The following ANKS1B variants were observed in gnomAD, a reference collection of about 807,000 sequenced individuals.
The protein encoded by ANKS1B is ankyrin repeat and sterile alpha motif domain-containing protein 1B.
ANKS1B carries 36 observed loss-of-function variants against 148.3 expected under a neutral mutation model. The ratio of observed to expected loss-of-function variants is 0.24; its 90% CI spans 0.19 to 0.32. The LOEUF is 0.32. Ranked by LOEUF, ANKS1B falls within the 10% of genes least tolerant of loss-of-function variation. The pLI is 1.00. For missense variants in ANKS1B, 1,157 were observed against 1,542.6 expected (o/e 0.75, Z 4.19); for synonymous variants, 542 against 560.8 (o/e 0.97, Z 0.47).
chr12:99,256,587 A>T (rs1457009285), intron 12 of ANKS1B, among the ~76,000 whole-genome samples: 1 of 152,164 alleles, frequency 6.6e-6, no homozygotes, highest in Non-Finnish European at 1.5e-5. Context: ...TCTAGTTTTC[A>T]ACTGTGAATA....
At chr12:99,483,697 T>C (rs115087591) in intron 10 of ANKS1B, among the ~76,000 whole-genome samples, 2,163 of 151,990 alleles carry the variant, frequency 0.014, 40 homozygotes, top group African/African-American at 0.049. Context: ...GGTGTCTTTA[T>C]GGTTTCTATT....
At chr12:98,793,396 C>T (rs767239001) in intron 22 of ANKS1B, among the ~76,000 whole-genome samples, 5 of 152,062 alleles carry the variant, frequency 3.3e-5, no homozygotes, top group African/African-American at 4.8e-5. Context: ...TAGAAGAAAA[C>T]GCTGGAGAAA....
intron 9 of ANKS1B, among the ~76,000 whole-genome samples, chr12:99,615,304 C>A (rs2097945659): frequency 6.6e-6 from 1 of 152,088 alleles, no homozygotes; most frequent in South Asian, 2.1e-4. Flanking sequence ...TCTTATATTT[C>A]TCCTCATTTT....
chr12:99,873,691 T>G (rs2091781613), intron 1 of ANKS1B, among the ~76,000 whole-genome samples: 1 of 152,212 alleles, frequency 6.6e-6, no homozygotes, highest in Non-Finnish European at 1.5e-5. Flanking sequence ...ATGTGTCAAC[T>G]GGGCTAGGCC....
intron 9 of ANKS1B, among the ~76,000 whole-genome samples, chr12:99,563,007 G>C (rs1447817700): frequency 2.0e-5 from 3 of 152,148 alleles, no homozygotes; most frequent in Non-Finnish European, 2.9e-5. Flanking sequence ...CAACCTGCTA[G>C]TTTCAAACTT....
intron 9 of ANKS1B, among the ~76,000 whole-genome samples, chr12:99,571,955 A>T (rs372701295): frequency 4.6e-5 from 7 of 152,266 alleles, no homozygotes; most frequent in African/African-American, 1.7e-4. Flanking sequence ...TAAAATCCAA[A>T]TATGTATAAA....
At chr12:99,738,409 T>C (rs2059804372) in intron 8 of ANKS1B, among the ~76,000 whole-genome samples, 2 of 152,152 alleles carry the variant, frequency 1.3e-5, no homozygotes, top group Non-Finnish European at 2.9e-5. Flanking sequence ...ATTTGTTGGG[T>C]CACTAAGCCA....
chr12:99,317,023 G>T (rs1434983344), intron 12 of ANKS1B, among the ~76,000 whole-genome samples: 1 of 151,852 alleles, frequency 6.6e-6, no homozygotes, highest in African/African-American at 2.4e-5. Flanking sequence ...TGTTCCATTG[G>T]TCTGTGTGTG....
chr12:99,962,917 C>T (rs973038093), intron 1 of ANKS1B, among the ~76,000 whole-genome samples: 11 of 151,990 alleles, frequency 7.2e-5, no homozygotes, highest in African/African-American at 2.7e-4. Context: ...GGGCTCACGC[C>T]ATTCTCCTGC....
chr12:98,761,118 A>G (rs2098396360), intron 25 of ANKS1B, among the ~76,000 whole-genome samples: 1 of 152,238 alleles, frequency 6.6e-6, no homozygotes, highest in South Asian at 2.1e-4. Flanking sequence ...AAGTTCATAC[A>G]GCAGAGCCAG....
intron 15 of ANKS1B, among the ~76,000 whole-genome samples, chr12:99,135,169 T>C (rs962012593): frequency 1.3e-5 from 2 of 152,152 alleles, no homozygotes; most frequent in Non-Finnish European, 2.9e-5. Context: ...GAAAATATTA[T>C]TGCCAAAATT....
intron 15 of ANKS1B, among the ~76,000 whole-genome samples, chr12:99,087,911 C>A (rs938852494): frequency 7.6e-6 from 1 of 132,164 alleles, no homozygotes; most frequent in Non-Finnish European, 1.6e-5. Flanking sequence ...CTCTACACCT[C>A]CAATATGCTA....
At chr12:99,079,372 C>T (rs2153610933) in intron 16 of ANKS1B, among the ~76,000 whole-genome samples, 1 of 152,130 alleles carries the variant, frequency 6.6e-6, no homozygotes, top group Admixed American at 6.5e-5. Context: ...TTCAGAGGTT[C>T]TCAGTGCCAT....
At chr12:99,283,279 C>T (rs2078711004) in intron 12 of ANKS1B, among the ~76,000 whole-genome samples, 1 of 152,136 alleles carries the variant, frequency 6.6e-6, no homozygotes, top group African/African-American at 2.4e-5. Flanking sequence ...TGCCAGATTT[C>T]TCATGCTTCC....
At chr12:99,056,564 G>C (rs1461246737) in intron 16 of ANKS1B, among the ~76,000 whole-genome samples, 4 of 152,134 alleles carry the variant, frequency 2.6e-5, no homozygotes, top group Admixed American at 2.0e-4. Context: ...ATAAAAGCCT[G>C]TAGTGGCTCC....
chr12:99,752,223 T>C (rs1413732011), intron 8 of ANKS1B, among the ~76,000 whole-genome samples: 2 of 152,058 alleles, frequency 1.3e-5, no homozygotes, highest in Non-Finnish European at 2.9e-5. Context: ...TAACACACTT[T>C]TATAAGAGAG....
intron 8 of ANKS1B, among the ~76,000 whole-genome samples, chr12:99,675,540 G>T (rs1022574677): frequency 6.6e-6 from 1 of 151,316 alleles, no homozygotes; most frequent in Non-Finnish European, 1.5e-5. Flanking sequence ...TGAAATAATG[G>T]CCTATTTAAA....
intron 11 of ANKS1B, among the ~76,000 whole-genome samples, chr12:99,419,823 C>T (rs1042827675): frequency 3.3e-5 from 5 of 152,088 alleles, no homozygotes; most frequent in African/African-American, 1.2e-4. Context: ...CACACACCAC[C>T]GTGTCCAACT....
intron 14 of ANKS1B, among the ~76,000 whole-genome samples, chr12:99,192,122 A>T (rs1183040894): frequency 3.0e-5 from 3 of 100,162 alleles, no homozygotes; most frequent in Non-Finnish European, 5.3e-5. Flanking sequence ...ACAGAGCAAG[A>T]CTCCATCTCA....
Sources: gnomAD v4.1 joint callset for allele counts (sites outside exome capture counted in the v4.1 genomes callset) on GRCh38, gnomAD v4.1.1 for gene constraint, MANE v1.5 for transcripts, NCBI Gene and HGNC (gene_info 2026-07-23, HGNC 2026-07-21) for gene names.